The following TSHZ2 variants were observed in gnomAD, a reference collection of about 807,000 sequenced individuals.
The protein encoded by TSHZ2 is teashirt zinc finger homeobox 2.
Under a neutral mutation model 74.4 loss-of-function variants are expected in TSHZ2, and 21 were observed. The ratio of observed to expected loss-of-function variants is 0.28; its 90% CI spans 0.20 to 0.41. TSHZ2 has a LOEUF of 0.41. Ranked by LOEUF, TSHZ2 falls within the 10% of genes least tolerant of loss-of-function variation. The pLI is 1.00. For synonymous variants in TSHZ2, 540 were observed against 515.3 expected, an observed-to-expected ratio of 1.05 and a Z score of -0.65; for missense variants, 1,244 against 1,293.5, an observed-to-expected ratio of 0.96 and a Z score of 0.59.
At chr20:53,249,223 T>C (rs1474048684) in intron 1 of TSHZ2, among the ~76,000 whole-genome samples, 2 of 152,202 alleles carry the variant, frequency 1.3e-5, no homozygotes, top group Admixed American at 1.3e-4. Context: ...GGTGGGCAGA[T>C]CTTTACCCAC....
intron 2 of TSHZ2, among the ~76,000 whole-genome samples, chr20:53,472,922 CTCACCCGA>C (rs1167512345): frequency 6.6e-6 from 1 of 152,162 alleles, no homozygotes; most frequent in Non-Finnish European, 1.5e-5. Flanking sequence ...TCGGGTCACT[CTCACCCGA>C]ATACTGCGCT....
chr20:53,044,122 C>T (rs907316978), intron 1 of TSHZ2, among the ~76,000 whole-genome samples: 3 of 152,194 alleles, frequency 2.0e-5, no homozygotes, highest in Non-Finnish European at 4.4e-5. Context: ...TGCTTAGGAA[C>T]AGAAGTATTT....
intron 1 of TSHZ2, 136 bp downstream of exon 1, chr20:52,973,469 C>G: frequency 8.7e-7 from 1 of 1,146,692 alleles, no homozygotes; most frequent in Non-Finnish European, 1.2e-6. Flanking sequence ...TCTAATAACC[C>G]CGTCCTCTCT....
At chr20:53,027,527 C>T (rs1251529876) in intron 1 of TSHZ2, among the ~76,000 whole-genome samples, 2 of 152,030 alleles carry the variant, frequency 1.3e-5, no homozygotes, top group African/African-American at 4.8e-5. Context: ...TGGTATTTAC[C>T]ACATAGGAGG....
intron 2 of TSHZ2, among the ~76,000 whole-genome samples, chr20:53,268,502 C>T (rs1990764693): frequency 6.6e-6 from 1 of 152,204 alleles, no homozygotes; most frequent in South Asian, 2.1e-4. Flanking sequence ...TTGAGTACCA[C>T]TTCATGGCTA....
chr20:53,053,011 T>C (rs1226477215), intron 1 of TSHZ2, among the ~76,000 whole-genome samples: 1 of 152,056 alleles, frequency 6.6e-6, no homozygotes, highest in Non-Finnish European at 1.5e-5. Context: ...AAAAAGAAAC[T>C]TCATATCCTT....
chr20:53,163,276 G>T (rs1987984159), intron 1 of TSHZ2, among the ~76,000 whole-genome samples: 1 of 150,736 alleles, frequency 6.6e-6, no homozygotes, highest in South Asian at 2.1e-4. Context: ...ACAGAATATG[G>T]CAAACATATT....
chr20:53,010,656 C>A (rs767748619), intron 1 of TSHZ2, among the ~76,000 whole-genome samples: 20 of 152,190 alleles, frequency 1.3e-4, no homozygotes, highest in South Asian at 8.3e-4. Context: ...GGAAAAATGA[C>A]AGCTTTACTG....
At chr20:53,004,302 T>C (rs541053491) in intron 1 of TSHZ2, among the ~76,000 whole-genome samples, 1 of 152,310 alleles carries the variant, frequency 6.6e-6, no homozygotes, top group South Asian at 2.1e-4. Flanking sequence ...TTAGCTGTAA[T>C]TCATTGTGTT....
At chr20:53,086,967 G>A (rs1009456646) in intron 1 of TSHZ2, among the ~76,000 whole-genome samples, 5 of 152,166 alleles carry the variant, frequency 3.3e-5, no homozygotes, top group African/African-American at 1.2e-4. Flanking sequence ...GATGGTAGAG[G>A]AAGAGTCAGG....
chr20:52,993,203 A>T (rs1325077038), intron 1 of TSHZ2, among the ~76,000 whole-genome samples: 2 of 151,956 alleles, frequency 1.3e-5, no homozygotes, highest in Non-Finnish European at 2.9e-5. Flanking sequence ...TCATAAATTT[A>T]TTTTTTTTCA....
At chr20:53,228,025 T>G (rs1438556765) in intron 1 of TSHZ2, among the ~76,000 whole-genome samples, 2 of 150,164 alleles carry the variant, frequency 1.3e-5, no homozygotes, top group Non-Finnish European at 3.0e-5. Context: ...TGGTGTTTTT[T>G]TTTTTTTTTT....
At position 53,197,919 on chromosome 20, in the gene TSHZ2, G is replaced by A. The variant is rs377469999; in HGVS notation, c.41-55580G>A. Among the ~76,000 whole-genome samples the A allele has an allele frequency of 7.2e-5, 11 of 152,306 alleles. No individual in the cohort carries two copies. The East Asian group carries it at 1.4e-3, about 19-fold the overall frequency. On this transcript the variant is annotated intron_variant, in intron 1 of 2. Coordinates refer to ENST00000371497, the MANE Select transcript of TSHZ2 (RefSeq NM_173485.6). The stretch of plus-strand genomic sequence containing the variant: ...TAAAATTCAGCCCATTTGCTTTGAA[G>A]TAAGCATGGGCATTTTAGCCAGAAG...
intron 1 of TSHZ2, among the ~76,000 whole-genome samples, chr20:53,220,120 C>A (rs116304173): frequency 5.5e-4 from 84 of 152,330 alleles, no homozygotes; most frequent in African/African-American, 1.9e-3. Flanking sequence ...CATGACCCTT[C>A]ATTCTCAGTG....
chr20:53,152,216 T>TA (rs976936350), intron 1 of TSHZ2, among the ~76,000 whole-genome samples: 2 of 152,018 alleles, frequency 1.3e-5, no homozygotes, highest in African/African-American at 4.8e-5. Context: ...ACTGTGAAAG[T>TA]AAAAAAGCAT....
At chr20:53,183,356 C>T (rs1012461063) in intron 1 of TSHZ2, among the ~76,000 whole-genome samples, 3 of 152,158 alleles carry the variant, frequency 2.0e-5, no homozygotes, top group Admixed American at 6.5e-5. Context: ...CCATCCTCTG[C>T]GTCCCTGAGT....
At chr20:53,053,033 C>T (rs922181981) in intron 1 of TSHZ2, among the ~76,000 whole-genome samples, 23 of 152,192 alleles carry the variant, frequency 1.5e-4, no homozygotes, top group Admixed American at 4.6e-4. Context: ...AGCATTCACA[C>T]CTCCTTCCTC....
chr20:52,987,033 G>C (rs1402008778), intron 1 of TSHZ2, among the ~76,000 whole-genome samples: 2 of 152,144 alleles, frequency 1.3e-5, no homozygotes, highest in African/African-American at 4.8e-5. Flanking sequence ...AAGAAGCTGT[G>C]AGTAAGGGCT....
rs145621330 is a variant in TSHZ2, at chr20:53,185,189, T to C, written c.41-68310T>C. ...CAATTGTTTTGAAGAATGTCTTTCC[T>C]CTGAATTTGTCTGGGAGCTTTTTAC... On this transcript the variant is annotated intron_variant, in intron 1 of 2. Coordinates refer to ENST00000371497, the MANE Select transcript of TSHZ2 (RefSeq NM_173485.6). 4 of 987,502 alleles carry C rather than the reference T, an allele frequency of 4.1e-6. No homozygotes were observed. The African/African-American group carries it at 5.2e-5, about 13-fold the overall frequency. The allele number at this position is 987,502 out of a possible 1,614,324, so 61.2% of individuals were successfully genotyped here.
Sources: gnomAD v4.1 joint callset for allele counts (sites outside exome capture counted in the v4.1 genomes callset) on GRCh38, gnomAD v4.1.1 for gene constraint, MANE v1.5 for transcripts, NCBI Gene and HGNC (gene_info 2026-07-23, HGNC 2026-07-21) for gene names.